The following PTPRG variants were observed in gnomAD, a reference collection of about 807,000 sequenced individuals.
The protein encoded by PTPRG is receptor-type tyrosine-protein phosphatase gamma.
PTPRG carries 102 observed loss-of-function variants against 165.3 expected under a neutral mutation model. The observed-to-expected ratio is 0.62, with a 90% CI of 0.53 to 0.73. PTPRG has a LOEUF of 0.73. Among genes scored for constraint, PTPRG ranks in the 30% least tolerant of loss-of-function variants. The pLI is 0.00. For synonymous variants in PTPRG, 675 were observed against 669.5 expected, an observed-to-expected ratio of 1.01 and a Z score of -0.13; for missense variants, 1,866 against 1,861.4, an observed-to-expected ratio of 1.00 and a Z score of -0.05.
At chr3:61,703,324 A>G (rs1428030000) in intron 1 of PTPRG, among the ~76,000 whole-genome samples, 1 of 152,218 alleles carries the variant, frequency 6.6e-6, no homozygotes, top group Non-Finnish European at 1.5e-5. Context: ...GCATCTTATC[A>G]GTATTGATTT....
chr3:62,168,652 A>T (rs1311084805), intron 8 of PTPRG, among the ~76,000 whole-genome samples: 1 of 152,138 alleles, frequency 6.6e-6, no homozygotes, highest in Non-Finnish European at 1.5e-5. Flanking sequence ...GAGCACACAG[A>T]TGGGCAGGTG....
intron 7 of PTPRG, among the ~76,000 whole-genome samples, chr3:62,158,949 A>G (rs991801279): frequency 3.9e-5 from 6 of 152,190 alleles, no homozygotes; most frequent in African/African-American, 1.4e-4. Context: ...TTACAGCCCA[A>G]ATATTTATAT....
intron 2 of PTPRG, among the ~76,000 whole-genome samples, chr3:61,816,769 G>A (rs1424187471): frequency 6.6e-6 from 1 of 151,702 alleles, no homozygotes; most frequent in Non-Finnish European, 1.5e-5. Context: ...GGTTGAGTAT[G>A]ATTGTGAAGG....
intron 4 of PTPRG, among the ~76,000 whole-genome samples, chr3:62,011,316 C>G (rs1375933844): frequency 1.3e-5 from 2 of 152,176 alleles, no homozygotes; most frequent in Non-Finnish European, 1.5e-5. Context: ...GGAGGTTCTA[C>G]GGGAACCCTT....
chr3:62,164,489 A>G (rs1399309615), intron 7 of PTPRG, among the ~76,000 whole-genome samples: 5 of 152,182 alleles, frequency 3.3e-5, no homozygotes, highest in Admixed American at 1.3e-4. Context: ...CCACAGAAGG[A>G]CATTTGATGA....
At position 61,877,497 on chromosome 3, in the gene PTPRG, C is replaced by T. The variant is rs73842111; in HGVS notation, c.191-112128C>T. Among the ~76,000 whole-genome samples, 1,158 of 152,016 alleles carry T rather than the reference C, an allele frequency of 7.6e-3. 12 individuals are homozygous for T. The highest frequency in any genetic ancestry group is 0.025 in the African/African-American group (1,054 of 41,444). On this transcript the variant is annotated intron_variant, in intron 2 of 29. Transcript: ENST00000474889. ...TGTAGTTTATCATTAGACCAGAAAG[C>T]GGGGGAAACAGCTGACCAACCAATT...
intron 5 of PTPRG, among the ~76,000 whole-genome samples, chr3:62,087,164 T>A (rs1325114857): frequency 2.0e-5 from 3 of 152,214 alleles, no homozygotes; most frequent in Non-Finnish European, 2.9e-5. Flanking sequence ...GTAGTAACCT[T>A]ACTATGACAG....
intron 2 of PTPRG, among the ~76,000 whole-genome samples, chr3:61,928,893 T>A (rs2039291254): frequency 6.6e-6 from 1 of 152,124 alleles, no homozygotes; most frequent in East Asian, 1.9e-4. Flanking sequence ...TAAAGGTGAT[T>A]TTTCTCTTCC....
chr3:61,861,960 A>C (rs2037282888), intron 2 of PTPRG, among the ~76,000 whole-genome samples: 1 of 152,154 alleles, frequency 6.6e-6, no homozygotes, highest in African/African-American at 2.4e-5. Context: ...AGAGGTGAAA[A>C]TGGTAAACAT....
At chr3:61,970,356 CA>C (rs535162650) in intron 2 of PTPRG, among the ~76,000 whole-genome samples, 2,154 of 152,076 alleles carry the variant, frequency 0.014, 19 homozygotes, top group Non-Finnish European at 0.022. Context: ...AAATCACTGA[CA>C]AAAAAATGCA....
intron 13 of PTPRG, among the ~76,000 whole-genome samples, chr3:62,220,440 G>A (rs1700624928): frequency 6.6e-6 from 1 of 152,184 alleles, no homozygotes; most frequent in South Asian, 2.1e-4. Context: ...GGGTAGCCGT[G>A]TAGGTGGTGA....
chr3:61,632,405 G>C (rs1191095783), intron 1 of PTPRG, among the ~76,000 whole-genome samples: 1 of 152,208 alleles, frequency 6.6e-6, no homozygotes, highest in African/African-American at 2.4e-5. Flanking sequence ...GAAGTGATGA[G>C]TATGAAAGCA....
At chr3:61,828,074 T>C (rs1178816274) in intron 2 of PTPRG, among the ~76,000 whole-genome samples, 1 of 152,228 alleles carries the variant, frequency 6.6e-6, no homozygotes, top group Non-Finnish European at 1.5e-5. Context: ...AGTTTTTGTT[T>C]TGCTGGTCAT....
chr3:61,851,394 CAT>C (rs1175406028), intron 2 of PTPRG, among the ~76,000 whole-genome samples: 1 of 151,942 alleles, frequency 6.6e-6, no homozygotes, highest in Admixed American at 6.6e-5. Context: ...AGTTGGGAAA[CAT>C]ATTAACACAA....
At chr3:61,654,257 T>A (rs1255175243) in intron 1 of PTPRG, among the ~76,000 whole-genome samples, 6 of 152,248 alleles carry the variant, frequency 3.9e-5, no homozygotes, top group Middle Eastern at 3.4e-3. Context: ...ATATGCTAGA[T>A]AATTGATGTG....
intron 1 of PTPRG, among the ~76,000 whole-genome samples, chr3:61,617,079 T>A (rs1701318198): frequency 6.6e-6 from 1 of 152,208 alleles, no homozygotes; most frequent in East Asian, 1.9e-4. Context: ...CCCTTGGTAT[T>A]TGAGGGACAA....
intron 2 of PTPRG, among the ~76,000 whole-genome samples, chr3:61,954,076 T>C (rs888892101): frequency 6.6e-6 from 1 of 152,202 alleles, no homozygotes; most frequent in Admixed American, 6.5e-5. Context: ...TTTGTTTTCC[T>C]AGAGATTTCT....
chr3:61,864,999 C>T (rs1462588960), intron 2 of PTPRG, among the ~76,000 whole-genome samples: 2 of 152,164 alleles, frequency 1.3e-5, no homozygotes, highest in African/African-American at 2.4e-5. Flanking sequence ...CCCTTGCTCA[C>T]GTGCTCAGAG....
intron 3 of PTPRG, among the ~76,000 whole-genome samples, chr3:61,997,679 G>A (rs748357831): frequency 2.6e-5 from 4 of 152,230 alleles, no homozygotes; most frequent in East Asian, 3.9e-4. Context: ...CCTTCCCATC[G>A]GCTGTAAGTT....
Sources: gnomAD v4.1 joint callset for allele counts (sites outside exome capture counted in the v4.1 genomes callset) on GRCh38, gnomAD v4.1.1 for gene constraint, MANE v1.5 for transcripts, NCBI Gene and HGNC (gene_info 2026-07-23, HGNC 2026-07-21) for gene names.